The following CELA2A variants were observed in gnomAD, a reference collection of about 807,000 sequenced individuals.
CELA2A encodes the protein chymotrypsin-like elastase family member 2A.
In CELA2A, 31 loss-of-function variants were observed where a neutral mutation model predicts 35.3. The ratio of observed to expected loss-of-function variants is 0.88; its 90% CI spans 0.66 to 1.19. CELA2A has a LOEUF of 1.19. CELA2A is among the 50% of genes most tolerant of loss of function. The pLI, the probability that CELA2A is intolerant of heterozygous loss-of-function variation, is 0.00. For synonymous variants in CELA2A, 150 were observed against 149.8 expected (o/e 1.00, Z -0.01); for missense variants, 330 against 352.9 (o/e 0.94, Z 0.52).
Position 15,466,162 on chromosome 1 carries a change from G to A in CELA2A, c.639+18G>A. 1 of 1,612,792 alleles carries A rather than the reference G, an allele frequency of 6.2e-7. No homozygotes were observed. Among genetic ancestry groups the A allele is most frequent in the East Asian group, 2.2e-5 (1 of 44,842 alleles). On this transcript the variant is annotated intron_variant, in intron 6 of 7. Transcript: ENST00000359621. ...GCTGCAACGTGAGTACCAAAATCAGGGGCTCCGCTCCATGACAAAATGTGG... is the reference window on the plus strand; with the variant it reads ...GCTGCAACGTGAGTACCAAAATCAGAGGCTCCGCTCCATGACAAAATGTGG...
At chr1:15,458,327 G>A (rs747287423) in intron 2 of CELA2A, among the ~76,000 whole-genome samples, 1 of 151,202 alleles carries the variant, frequency 6.6e-6, no homozygotes, top group African/African-American at 2.4e-5. Context: ...AATTTTTTAA[G>A]AGTCATGGTG....
intron 2 of CELA2A, among the ~76,000 whole-genome samples, chr1:15,458,362 CTT>C (rs34270177): frequency 0.57 from 86,320 of 151,674 alleles, 25,205 homozygotes; most frequent in East Asian, 0.72. Flanking sequence ...AAGCATTTAA[CTT>C]TGTTTCCATA....
rs116746784 is a variant in CELA2A, at chr1:15,457,251, C to T, written c.129+77C>T. The T allele has an allele frequency of 6.2e-3, 8,683 of 1,400,930 alleles. 60 individuals are homozygous for T. Among genetic ancestry groups the T allele is most frequent in the Middle Eastern group, 0.028 (136 of 4,792 alleles). 86.8% of individuals were successfully genotyped at this position (1,400,930 alleles called of 1,614,324 possible). A position where few individuals can be genotyped will look rare whatever the true frequency, so the allele number is the denominator to read the frequency against. On this transcript the variant is annotated intron_variant, in intron 2 of 7. Coordinates refer to ENST00000359621, the MANE Select transcript of CELA2A (RefSeq NM_033440.3). ...TCTCCCCTTTGCCCTTCCACCATGG[C>T]GTCTATTGTGCTGGCAAAGTGAGTA...
rs1241867570 is a variant in CELA2A at position 15,466,059 on chromosome 1, C to T, written c.554C>T (p.Thr185Ile). Residue 185 changes from threonine to isoleucine, a missense_variant, in exon 6 of 8, where the codon ACC (threonine) becomes ATC (isoleucine). Coordinates refer to ENST00000359621, the MANE Select transcript of CELA2A (RefSeq NM_033440.3). ...QGRLLVVDYATCSSSAWWGSS... is the reference protein window; with the variant it reads ...QGRLLVVDYAICSSSAWWGSS... ...CGGTTGCTGGTTGTGGACTATGCCA[C>T]CTGCTCCAGCTCTGCCTGGTGGGGC... 5 of 1,614,026 alleles carry T rather than the reference C, an allele frequency of 3.1e-6. No individual in the cohort carries two copies. Among genetic ancestry groups the T allele is most frequent in the Admixed American group, 3.3e-5 (2 of 59,994 alleles).
At chr1:15,464,287 C>T (rs762233883) in intron 5 of CELA2A, among the ~76,000 whole-genome samples, 2 of 152,082 alleles carry the variant, frequency 1.3e-5, no homozygotes, top group Non-Finnish European at 2.9e-5. Context: ...TCAGACCCTC[C>T]ATGCCCCATA....
At chr1:15,470,276 G>A (rs1708573842) in intron 7 of CELA2A, among the ~76,000 whole-genome samples, 1 of 152,096 alleles carries the variant, frequency 6.6e-6, no homozygotes, top group African/African-American at 2.4e-5. Flanking sequence ...CTAGAGCCCT[G>A]GGGGTGCCTG....
Position 15,466,132 on chromosome 1 carries a change from C to A in CELA2A, c.627C>A (p.Ile209=), listed in dbSNP as rs201716954. ...SMICAGGDGV[I]SSCNGDSGGP... ...TCTGTGCTGGGGGTGATGGCGTGAT[C>A]TCCAGCTGCAACGTGAGTACCAAAA... The change falls in exon 6 of 8, where the codon ATC becomes ATA. Residue 209 remains isoleucine (I), a synonymous_variant. Transcript: ENST00000359621. 2.2e-5 allele frequency: 36 copies of A among 1,613,982 alleles called. No individual in the cohort carries two copies. Among genetic ancestry groups the A allele is most frequent in the Non-Finnish European group, 2.9e-5 (34 of 1,179,930 alleles).
At chr1:15,456,933 T>G in intron 1 of CELA2A, 140 bp downstream of exon 1, 1 of 1,337,156 alleles carries the variant, frequency 7.5e-7, no homozygotes, top group African/African-American at 1.5e-5. Flanking sequence ...GAATGGAGTT[T>G]CAAAGAATTG....
chr1:15,463,116 T>A, intron 4 of CELA2A: 1 of 714,386 alleles, frequency 1.4e-6, no homozygotes, highest in Non-Finnish European at 2.3e-6. Flanking sequence ...CCCTGTCCGC[T>A]GAGCATGTAT....
intron 6 of CELA2A, 28 bp from the exon 7 acceptor site, chr1:15,467,358 A>G: frequency 6.2e-7 from 1 of 1,607,938 alleles, no homozygotes; most frequent in Non-Finnish European, 8.5e-7. Flanking sequence ...CTCTCCCTTT[A>G]CCTGCCTATA....
At chr1:15,470,259 C>T (rs1708573585) in intron 7 of CELA2A, among the ~76,000 whole-genome samples, 1 of 152,122 alleles carries the variant, frequency 6.6e-6, no homozygotes, top group Non-Finnish European at 1.5e-5. Flanking sequence ...CCTGGAGTCA[C>T]ATACCACTAG....
At position 15,456,775 on chromosome 1, in the gene CELA2A, T is replaced by A; in HGVS notation, c.22T>A (p.Ser8Thr). 1 of 1,614,182 alleles carries A rather than the reference T, an allele frequency of 6.2e-7. No individual in the cohort carries two copies. Among genetic ancestry groups the A allele is most frequent in the South Asian group, 1.1e-5 (1 of 91,088 alleles). Reference sequence around the variant, plus strand: ...CACCATGATAAGGACGCTGCTGCTGTCCACTTTGGTGGCTGGAGGTAAGTC... The same window carrying A: ...CACCATGATAAGGACGCTGCTGCTGACCACTTTGGTGGCTGGAGGTAAGTC... MIRTLLL[S>T]TLVAGALSCG... Residue 8 changes from serine (S) to threonine (T), a missense_variant, in exon 1 of 8, where the codon TCC becomes ACC. Ser to Thr is a moderately conservative substitution (Grantham distance 58). Transcript: ENST00000359621.
intron 7 of CELA2A, among the ~76,000 whole-genome samples, chr1:15,467,842 T>C (rs1359156405): frequency 6.6e-6 from 1 of 151,944 alleles, no homozygotes; most frequent in Non-Finnish European, 1.5e-5. Flanking sequence ...TAATCCCAGC[T>C]CTTTGGGAGG....
At chr1:15,460,430 C>A (rs368385918) in intron 2 of CELA2A, among the ~76,000 whole-genome samples, 1 of 152,082 alleles carries the variant, frequency 6.6e-6, no homozygotes, top group South Asian at 2.1e-4. Flanking sequence ...AAAACAACAA[C>A]GTTCAGAGAA....
chr1:15,459,205 G>T (rs532876168), intron 2 of CELA2A, among the ~76,000 whole-genome samples: 7 of 150,624 alleles, frequency 4.6e-5, no homozygotes, highest in African/African-American at 1.7e-4. Flanking sequence ...TGTCACCCAG[G>T]CTGGAGTACA....
In CELA2A at chr1:15,457,110, A is replaced by T; in HGVS notation, c.65A>T (p.Tyr22Phe). Residue 22 changes from tyrosine to phenylalanine, a missense_variant, in exon 2 of 8, where the codon TAC becomes TTC. Coordinates refer to ENST00000359621, the MANE Select transcript of CELA2A (RefSeq NM_033440.3). The stretch of plus-strand genomic sequence containing the variant: ...GCCCTCAGTTGTGGGGACCCCACTT[A>T]CCCACCTTATGTGACTAGGGTGGTT... ...AGALSCGDPTYPPYVTRVVGG... is the reference protein window; with the variant it reads ...AGALSCGDPTFPPYVTRVVGG... 1 of 1,614,040 alleles carries T rather than the reference A, an allele frequency of 6.2e-7. No homozygotes were observed. Among genetic ancestry groups the T allele is most frequent in the South Asian group, 1.1e-5 (1 of 91,080 alleles).
In CELA2A at chr1:15,462,836, T is replaced by G. The variant is rs759151072; in HGVS notation, c.331T>G (p.Trp111Gly). The G allele has an allele frequency of 6.2e-7, 1 of 1,614,112 alleles. No homozygotes were observed. Among genetic ancestry groups the G allele is most frequent in the Admixed American group, 1.7e-5 (1 of 60,016 alleles). Residue 111 changes from tryptophan (W) to glycine (G), a missense_variant, in exon 4 of 8, where the codon TGG becomes GGG. Transcript: ENST00000359621. ...CTCTAAGATTGTGGTGCACAAGGACTGGAACTCCAACCAAATCTCCAAAGG... is the reference window on the plus strand; with the variant it reads ...CTCTAAGATTGTGGTGCACAAGGACGGGAACTCCAACCAAATCTCCAAAGG... ...SVSKIVVHKD[W>G]NSNQISKGND...
At chr1:15,459,337 T>TC (rs1708402663) in intron 2 of CELA2A, among the ~76,000 whole-genome samples, 1 of 98,956 alleles carries the variant, frequency 1.0e-5, no homozygotes, top group South Asian at 4.2e-4. Flanking sequence ...TAAGTTTCTT[T>TC]TTTTTTTTTT....
chr1:15,468,302 T>TCC, intron 7 of CELA2A, among the ~76,000 whole-genome samples: 1 of 152,088 alleles, frequency 6.6e-6, no homozygotes, highest in Non-Finnish European at 1.5e-5. Context: ...TGACCAACCA[T>TCC]CATGGTTTGC....
Sources: gnomAD v4.1 joint callset for allele counts (sites outside exome capture counted in the v4.1 genomes callset) on GRCh38, gnomAD v4.1.1 for gene constraint, MANE v1.5 for transcripts, NCBI Gene and HGNC (gene_info 2026-07-23, HGNC 2026-07-21) for gene names.